Variants in NME9 observed in about 807,000 individuals in gnomAD.
NME9 encodes thioredoxin domain-containing protein 6.
NME9 carries 48 observed loss-of-function variants against 44.4 expected under a neutral mutation model. The ratio of observed to expected loss-of-function variants is 1.08; its 90% CI spans 0.86 to 1.37. The LOEUF (loss-of-function observed/expected upper bound fraction) is 1.37. Among genes scored for constraint, NME9 ranks in the 40% most tolerant of loss-of-function variants. NME9 has a pLI of 0.00. For missense variants in NME9, 325 were observed against 405.2 expected, an observed-to-expected ratio of 0.80 and a Z score of 1.70; for synonymous variants, 139 against 147.1, an observed-to-expected ratio of 0.94 and a Z score of 0.40.
rs376260389 is a variant in NME9 at position 138,266,641 on chromosome 3, A to G, written c.746-4055T>C. On this transcript the variant is annotated intron_variant, in intron 8 of 8. Coordinates refer to the NME9 transcript ENST00000317876. The stretch of plus-strand genomic sequence containing the variant: ...CTCAGGCTAGTTAGTGGAAGTGTCC[A>G]GTTGGAACTAGGTCTGTGTGATTCC... 1.2e-4 allele frequency among the ~76,000 whole-genome samples: 18 copies of G among 152,330 alleles called. No homozygotes were observed. In the South Asian group the frequency reaches 3.5e-3, roughly 30 times the overall value.
intron 8 of NME9, chr3:138,262,675 C>T: frequency 7.8e-7 from 1 of 1,275,956 alleles, no homozygotes. Flanking sequence ...ATGGCCTGGA[C>T]ATAGGATTAA....
intron 8 of NME9, among the ~76,000 whole-genome samples, chr3:138,280,122 T>C (rs1209271950): frequency 1.3e-5 from 2 of 152,092 alleles, no homozygotes; most frequent in Non-Finnish European, 2.9e-5. Flanking sequence ...CAGGCTGGGC[T>C]CAAACTCCTG....
In NME9 at chr3:138,314,318, G is replaced by A; in HGVS notation, c.460+14C>T. On this transcript the variant is annotated intron_variant, in intron 6 of 10. Transcript: ENST00000333911. ...GCTTTGCTTTTTTCCCTTGCTCATT[G>A]GTTCTGCACTCACCCATGTCCTCAT... 1 of 1,524,494 alleles carries A rather than the reference G, an allele frequency of 6.6e-7. No individual in the cohort carries two copies. Among genetic ancestry groups the A allele is most frequent in the Non-Finnish European group, 9.0e-7 (1 of 1,117,224 alleles). The allele number at this position is 1,524,494 out of a possible 1,614,324, so 94.4% of individuals were successfully genotyped here. A position where few individuals can be genotyped will look rare whatever the true frequency, so the allele number is the denominator to read the frequency against.
chr3:138,327,133 G>A (rs1467693696), intron 1 of NME9: 1 of 148,878 alleles, frequency 6.7e-6, no homozygotes, highest in African/African-American at 2.5e-5. Flanking sequence ...TCCAGCCTGG[G>A]CGACAGGACA....
At position 138,304,866 on chromosome 3, in the gene NME9, A is replaced by T; in HGVS notation, c.791+7T>A. The T allele has an allele frequency of 6.2e-7, 1 of 1,613,298 alleles. No individual in the cohort carries two copies. The highest frequency in any genetic ancestry group is 8.5e-7 in the Non-Finnish European group (1 of 1,179,530). On this transcript the variant is annotated splice_region_variant and intron_variant, in intron 9 of 10. Transcript: ENST00000333911. Reference sequence around the variant, plus strand: ...ATGGATGAAAGGACCACAGCTGGTGACATCACCTTTCTGGCTGCTCCCTCC... The same window carrying T: ...ATGGATGAAAGGACCACAGCTGGTGTCATCACCTTTCTGGCTGCTCCCTCC...
chr3:138,314,452 A>C, intron 5 of NME9, 45 bp from the exon 6 acceptor site: 1 of 1,179,956 alleles, frequency 8.5e-7, no homozygotes, highest in Non-Finnish European at 1.3e-6. Context: ...GCTAATTAAC[A>C]TTACCACTAA....
intron 8 of NME9, chr3:138,264,286 C>T (rs999219277): frequency 3.4e-6 from 4 of 1,171,156 alleles, no homozygotes; most frequent in Non-Finnish European, 5.1e-6. Context: ...TAACACTACT[C>T]CCTGGTCTAG....
chr3:138,315,448 T>G (rs968996343), intron 5 of NME9, 79 bp downstream of exon 5: 4 of 947,872 alleles, frequency 4.2e-6, no homozygotes, highest in Non-Finnish European at 6.4e-6. Context: ...GAAAGTCAGG[T>G]GAAGGAGATG....
chr3:138,307,746 G>A (rs1041004850), intron 6 of NME9, among the ~76,000 whole-genome samples: 49 of 152,216 alleles, frequency 3.2e-4, no homozygotes, highest in African/African-American at 1.1e-3. Context: ...AAGAAAAGAA[G>A]CCAATGAAGG....
chr3:138,286,613 A>AG (rs2050441896), intron 8 of NME9, among the ~76,000 whole-genome samples: 1 of 152,180 alleles, frequency 6.6e-6, no homozygotes, highest in South Asian at 2.1e-4. Context: ...GAGCTTTCAA[A>AG]GATTACTGCT....
intron 1 of NME9, among the ~76,000 whole-genome samples, chr3:138,327,339 C>T (rs954144016): frequency 6.6e-6 from 1 of 151,960 alleles, no homozygotes; most frequent in Non-Finnish European, 1.5e-5. Flanking sequence ...GTGATAGAAG[C>T]GTTCGGAAGG....
In NME9 at chr3:138,318,167, G is replaced by T. The variant is rs370667068; in HGVS notation, c.248C>A (p.Pro83Gln). The T allele has an allele frequency of 2.1e-5, 34 of 1,609,104 alleles. No individual in the cohort carries two copies. Among genetic ancestry groups the T allele is most frequent in the African/African-American group, 4.0e-5 (3 of 74,836 alleles). Reference protein sequence around the residue: ...VLEKYRGKCEPTFLFYAGGEL... With the variant: ...VLEKYRGKCEQTFLFYAGGEL... ...ACTTACTGCATAAAACAGAAAGGTT[G>T]GCTCGCACTTCCCTCTGTACTTTTC... Residue 83 changes from proline (P) to glutamine (Q), a missense_variant, in exon 4 of 11, where the codon CCA becomes CAA. Pro to Gln is a moderately conservative substitution (Grantham distance 76). Coordinates refer to ENST00000333911, the MANE Select transcript of NME9 (RefSeq NM_001349018.2).
chr3:138,267,341 T>A, intron 8 of NME9: 1 of 649,602 alleles, frequency 1.5e-6, no homozygotes, highest in Non-Finnish European at 2.5e-6. Flanking sequence ...GGGTTGGGTT[T>A]AAAAACTACT....
intron 6 of NME9, among the ~76,000 whole-genome samples, chr3:138,307,203 AGTCTGCTGATT>A (rs1327479902): frequency 6.6e-6 from 1 of 152,236 alleles, no homozygotes; most frequent in Non-Finnish European, 1.5e-5. Flanking sequence ...CTCACTGGCC[AGTCTGCTGATT>A]GACTGCCCTT....
downstream of NME9, chr3:138,296,599 A>G (rs1490447201): frequency 2.6e-5 from 4 of 152,216 alleles, no homozygotes; most frequent in African/African-American, 7.2e-5. Flanking sequence ...AACAGGCACT[A>G]TACATGGTGC....
At chr3:138,297,435 G>A (rs1337969858), downstream of NME9, 1 of 152,216 alleles carries the variant, frequency 6.6e-6, no homozygotes, top group African/African-American at 2.4e-5. Flanking sequence ...CGGTCCAGAA[G>A]CTTGCGGTGA....
chr3:138,300,001 C>T (rs562106472), downstream of NME9, among the ~76,000 whole-genome samples: 1 of 152,126 alleles, frequency 6.6e-6, no homozygotes, highest in East Asian at 1.9e-4. Context: ...GTTTGCCACT[C>T]GTGAAGTGGG....
chr3:138,262,982 CA>C (rs1264506875), intron 8 of NME9, among the ~76,000 whole-genome samples: 2 of 152,182 alleles, frequency 1.3e-5, no homozygotes, highest in Non-Finnish European at 2.9e-5. Flanking sequence ...GGTAATATAA[CA>C]TGCTTAGCAC....
intron 8 of NME9, among the ~76,000 whole-genome samples, chr3:138,281,561 G>T (rs1472098909): frequency 6.6e-6 from 1 of 152,104 alleles, no homozygotes; most frequent in African/African-American, 2.4e-5. Flanking sequence ...AGAGTGCTGG[G>T]GTTACAGGTG....
Sources: allele counts gnomAD v4.1 joint callset (sites outside exome capture counted in the v4.1 genomes callset), GRCh38; gene constraint gnomAD v4.1.1; transcripts MANE v1.5; gene names NCBI Gene and HGNC (gene_info 2026-07-23, HGNC 2026-07-21).